Variants in PCDHA1 observed in about 807,000 individuals in gnomAD.
The protein encoded by PCDHA1 is protocadherin alpha 1, also known as protocadherin alpha-1.
A neutral mutation model predicts 61.3 loss-of-function variants in PCDHA1; 42 were observed. The observed-to-expected ratio is 0.69, with a 90% CI of 0.54 to 0.89. The LOEUF (loss-of-function observed/expected upper bound fraction) is 0.89. Ranked by LOEUF, PCDHA1 falls within the 40% of genes least tolerant of loss-of-function variation. The pLI, the probability that PCDHA1 is intolerant of heterozygous loss-of-function variation, is 0.00. For synonymous variants in PCDHA1, 610 were observed against 553.8 expected, an observed-to-expected ratio of 1.10 and a Z score of -1.43; for missense variants, 1,256 against 1,235.3, an observed-to-expected ratio of 1.02 and a Z score of -0.25.
rs1554142981 is a variant in PCDHA1, at chr5:140,849,496, G to A, written c.2394+60812G>A. The A allele has an allele frequency of 6.3e-7, 1 of 1,593,496 alleles. No individual in the cohort carries two copies. Among genetic ancestry groups the A allele is most frequent in the South Asian group, 1.1e-5 (1 of 90,348 alleles). ...GGCTTCCCACCCCTGGCTGGTCATT[G>A]TACACTTCTTGTGGAAGTTGTGGAT... is the stretch of plus-strand genomic sequence containing the variant. On this transcript the variant is annotated intron_variant, in intron 1 of 3. Coordinates refer to ENST00000504120, the MANE Select transcript of PCDHA1 (RefSeq NM_018900.4).
chr5:140,927,218 A>T, intron 1 of PCDHA1: 1 of 1,614,090 alleles, frequency 6.2e-7, no homozygotes, highest in Non-Finnish European at 8.5e-7. Flanking sequence ...GAGCTGCACA[A>T]GATTCGGATT....
rs1041924506 is a variant in PCDHA1 at position 140,932,800 on chromosome 5, C to T, written c.2395-46149C>T. ...GAGTGGACATAAGAGAAAAGCAATA[C>T]CTTGGAAACATATAAGTGGGAAAGT... On this transcript the variant is annotated intron_variant, in intron 1 of 3. Coordinates refer to ENST00000504120, the MANE Select transcript of PCDHA1 (RefSeq NM_018900.4). Among the ~76,000 whole-genome samples the T allele has an allele frequency of 2.6e-5, 4 of 151,684 alleles. No homozygotes were observed. The East Asian group carries it at 5.8e-4, about 22-fold the overall frequency.
intron 1 of PCDHA1, chr5:140,865,929 A>G (rs2049057617): frequency 6.6e-6 from 1 of 152,198 alleles, no homozygotes; most frequent in South Asian, 2.1e-4. Flanking sequence ...TGCTTAGAAG[A>G]AACTTCATGA....
At chr5:140,822,572 C>G (rs2150117357) in intron 1 of PCDHA1, 15 of 1,612,554 alleles carry the variant, frequency 9.3e-6, no homozygotes, top group Non-Finnish European at 1.3e-5. Context: ...CTGAACGCCT[C>G]AGATGCAGAT....
At chr5:140,961,001 C>A (rs2095583358) in intron 1 of PCDHA1, among the ~76,000 whole-genome samples, 1 of 152,144 alleles carries the variant, frequency 6.6e-6, no homozygotes, top group Non-Finnish European at 1.5e-5. Context: ...CAATTTGCTG[C>A]TGGACTGCAT....
At chr5:140,901,930 C>G (rs902948893) in intron 1 of PCDHA1, among the ~76,000 whole-genome samples, 2 of 151,400 alleles carry the variant, frequency 1.3e-5, no homozygotes, top group Admixed American at 1.3e-4. Flanking sequence ...TTGGTTAATT[C>G]CTAGGTATAT....
rs552891884 is a variant in PCDHA1 at position 140,857,764 on chromosome 5, G to A, written c.2394+69080G>A. The A allele has an allele frequency of 3.8e-6, 6 of 1,597,520 alleles. 2 individuals carry two copies. In the African/African-American group the frequency reaches 5.4e-5, roughly 14 times the overall value. On this transcript the variant is annotated intron_variant, in intron 1 of 3. Coordinates refer to ENST00000504120, the MANE Select transcript of PCDHA1 (RefSeq NM_018900.4). ...TGCTGGCGTCTCCCGCTGGCAGCGC[G>A]GGCGGTGCAGTCAGTGAGCTGGTGC...
intron 1 of PCDHA1, among the ~76,000 whole-genome samples, chr5:140,906,294 T>C (rs1554192469): frequency 1.3e-5 from 2 of 152,278 alleles, no homozygotes; most frequent in East Asian, 3.9e-4. Flanking sequence ...AAGACAATAA[T>C]AAGGTCATAA....
rs148828100 is a variant in PCDHA1, at chr5:140,841,462, G to C, written c.2394+52778G>C. The stretch of plus-strand genomic sequence containing the variant: ...CCAAACACGGCACCTTCGTGGGCCG[G>C]ATCGCGCAGGACCTGGGGCTGGAGC... On this transcript the variant is annotated intron_variant, in intron 1 of 3. Coordinates refer to ENST00000504120, the MANE Select transcript of PCDHA1 (RefSeq NM_018900.4). 2.4e-3 allele frequency: 3,771 copies of C among 1,566,800 alleles called. 62 individuals are homozygous for C. Among genetic ancestry groups the C allele is most frequent in the African/African-American group, 0.015 (1,090 of 73,024 alleles).
chr5:140,922,158 A>G (rs1318778340), intron 1 of PCDHA1, among the ~76,000 whole-genome samples: 1 of 149,104 alleles, frequency 6.7e-6, no homozygotes, highest in South Asian at 2.2e-4. Flanking sequence ...CATCAAAAAC[A>G]ACAAAAAGTA....
intron 1 of PCDHA1, chr5:140,809,366 C>T (rs782392679): frequency 6.2e-7 from 1 of 1,613,980 alleles, no homozygotes; most frequent in East Asian, 2.2e-5. Context: ...CTCTGCGCTG[C>T]CCACCGAGGG....
In PCDHA1 at chr5:140,797,587, A is replaced by G. The variant is rs575966029; in HGVS notation, c.2394+8903A>G. Reference sequence around the variant, plus strand: ...TTGGCACTTCCATCATTAAGTCATAAGTAATAGACCATGAAACACTGAAAA... The same window carrying G: ...TTGGCACTTCCATCATTAAGTCATAGGTAATAGACCATGAAACACTGAAAA... On this transcript the variant is annotated intron_variant, in intron 1 of 3. Transcript: ENST00000504120. 6.9e-6 allele frequency: 4 copies of G among 580,924 alleles called. No homozygotes were observed. In the East Asian group the frequency reaches 1.2e-4, roughly 17 times the overall value. The allele number at this position is 580,924 out of a possible 1,614,324, so 36.0% of individuals were successfully genotyped here.
At chr5:140,884,341 G>C in intron 1 of PCDHA1, 2 of 1,613,910 alleles carry the variant, frequency 1.2e-6, no homozygotes, top group Non-Finnish European at 1.7e-6. Context: ...GTCCAGAAGC[G>C]GCGCTGGTGG....
chr5:140,870,078 G>A, intron 1 of PCDHA1: 1 of 1,613,838 alleles, frequency 6.2e-7, no homozygotes, highest in South Asian at 1.1e-5. Flanking sequence ...CAGATAAGGG[G>A]ACTCCCCCAA....
rs1380751702 is a variant in PCDHA1 at position 140,855,145 on chromosome 5, A to C, written c.2394+66461A>C. On this transcript the variant is annotated intron_variant, in intron 1 of 3. Transcript: ENST00000504120. Reference sequence around the variant, plus strand: ...AGGTAATAATTTTGCCTGATGAGCCAAATTTGGTATTGAGCCTCATGAAAA... The same window carrying C: ...AGGTAATAATTTTGCCTGATGAGCCCAATTTGGTATTGAGCCTCATGAAAA... Among the ~76,000 whole-genome samples, 3 of 149,972 alleles carry C rather than the reference A, an allele frequency of 2.0e-5. 1 individual carries two copies. The East Asian group carries it at 5.8e-4, about 29-fold the overall frequency.
intron 1 of PCDHA1, among the ~76,000 whole-genome samples, chr5:140,937,805 G>A (rs1192616946): frequency 1.3e-5 from 2 of 149,798 alleles, no homozygotes; most frequent in African/African-American, 2.5e-5. Context: ...CCAGCTACTC[G>A]GGAAGCTGAG....
At chr5:140,997,251 G>T (rs1217959179) in intron 3 of PCDHA1, among the ~76,000 whole-genome samples, 2 of 152,060 alleles carry the variant, frequency 1.3e-5, no homozygotes, top group Non-Finnish European at 2.9e-5. Context: ...TTACTTTAGG[G>T]TTCACTCTTC....
intron 1 of PCDHA1, chr5:140,870,150 C>T (rs2051709522): frequency 6.2e-7 from 1 of 1,614,098 alleles, no homozygotes; most frequent in Non-Finnish European, 8.5e-7. Context: ...CTCCTGAAGT[C>T]GCCGTGACTT....
At chr5:140,829,997 G>A (rs2150179331) in intron 1 of PCDHA1, 1 of 1,613,998 alleles carries the variant, frequency 6.2e-7, no homozygotes, top group Non-Finnish European at 8.5e-7. Flanking sequence ...CACCACTCGT[G>A]TCCTGGACGA....
Sources: allele counts gnomAD v4.1 joint callset (sites outside exome capture counted in the v4.1 genomes callset), GRCh38; gene constraint gnomAD v4.1.1; transcripts MANE v1.5; gene names NCBI Gene and HGNC (gene_info 2026-07-23, HGNC 2026-07-21).